Variants in CELF2 observed in about 807,000 individuals in gnomAD.
CELF2 encodes CUGBP Elav-like family member 2.
In CELF2, 8 loss-of-function variants were observed where a neutral mutation model predicts 62.6. The ratio of observed to expected loss-of-function variants is 0.13; its 90% CI spans 0.07 to 0.23. CELF2 has a LOEUF of 0.23. Ranked by LOEUF, CELF2 falls within the 10% of genes least tolerant of loss-of-function variation. The pLI is 1.00. For missense variants in CELF2, 333 were observed against 671.0 expected, an observed-to-expected ratio of 0.50 and a Z score of 5.56; for synonymous variants, 258 against 250.0, an observed-to-expected ratio of 1.03 and a Z score of -0.30.
upstream of CELF2, among the ~76,000 whole-genome samples, chr10:11,013,419 T>G (rs1449072720): frequency 2.0e-5 from 3 of 152,196 alleles, no homozygotes. The surrounding 1 kb of genome is among the most constrained non-coding windows in gnomAD (Gnocchi z 4.1). Flanking sequence ...TCCCTTGGAT[T>G]GGAAGCTGCA....
the CELF2 span, among the ~76,000 whole-genome samples, chr10:10,528,999 T>C: frequency 7.2e-5 from 11 of 152,234 alleles, no homozygotes; most frequent in African/African-American, 1.9e-4. Flanking sequence ...TAATTACAGT[T>C]GTCTGGAGAG....
At chr10:11,179,705 G>A (rs1024128189) in intron 2 of CELF2, among the ~76,000 whole-genome samples, 2 of 152,156 alleles carry the variant, frequency 1.3e-5, no homozygotes, top group Non-Finnish European at 2.9e-5. Flanking sequence ...ATGTGTGTGC[G>A]TGTGCCTGTG....
At chr10:10,687,177 C>G in the CELF2 span, among the ~76,000 whole-genome samples, 1 of 152,180 alleles carries the variant, frequency 6.6e-6, no homozygotes, top group African/African-American at 2.4e-5. Flanking sequence ...ATGCAAAGTG[C>G]TGATACAGTG....
At chr10:10,805,867 C>T (rs1205072088) in intron 1 of CELF2, among the ~76,000 whole-genome samples, 2 of 152,248 alleles carry the variant, frequency 1.3e-5, no homozygotes, top group Admixed American at 6.5e-5. Flanking sequence ...CCAGCTAAAC[C>T]ATCTGTTGAG....
At chr10:10,949,557 C>T (rs572745591) in intron 2 of CELF2, among the ~76,000 whole-genome samples, 12 of 151,594 alleles carry the variant, frequency 7.9e-5, no homozygotes, top group Admixed American at 1.3e-4. Flanking sequence ...TTTGGGAGGC[C>T]GAGGCAGATG....
chr10:11,222,852 T>A (rs928663077), intron 3 of CELF2, among the ~76,000 whole-genome samples: 1 of 152,280 alleles, frequency 6.6e-6, no homozygotes, highest in African/African-American at 2.4e-5. Context: ...GTAGATACGT[T>A]ATCACATGTA....
the CELF2 span, among the ~76,000 whole-genome samples, chr10:10,493,122 A>C: frequency 1.3e-5 from 2 of 152,192 alleles, no homozygotes; most frequent in Non-Finnish European, 2.9e-5. Flanking sequence ...ATTCTGACAC[A>C]TGTTACAACA....
the CELF2 span, among the ~76,000 whole-genome samples, chr10:10,658,625 C>A: frequency 3.9e-5 from 6 of 152,278 alleles, no homozygotes; most frequent in Middle Eastern, 3.4e-3. Flanking sequence ...GCCTGTTTTT[C>A]TGCACTTTTT....
the CELF2 span, among the ~76,000 whole-genome samples, chr10:10,735,009 C>G: frequency 3.3e-5 from 5 of 152,202 alleles, no homozygotes; most frequent in Non-Finnish European, 7.3e-5. Context: ...CAAACCTTTT[C>G]CTGCCAGTTG....
intron 1 of CELF2, among the ~76,000 whole-genome samples, chr10:10,830,259 T>A (rs991876862): frequency 2.1e-5 from 3 of 141,778 alleles, no homozygotes; most frequent in Admixed American, 7.4e-5. Flanking sequence ...TGTGAGCTAT[T>A]GAATGCCATG....
chr10:10,775,491 A>G, the CELF2 span, among the ~76,000 whole-genome samples: 32 of 152,216 alleles, frequency 2.1e-4, no homozygotes, highest in Admixed American at 5.9e-4. Context: ...TTAGCTGGTC[A>G]TATGCATGCA....
chr10:10,778,655 C>T, the CELF2 span, among the ~76,000 whole-genome samples: 408 of 152,198 alleles, frequency 2.7e-3, 1 homozygote, highest in African/African-American at 9.4e-3. Context: ...GGTGATATAC[C>T]TTTTGCTGGC....
At position 10,814,214 on chromosome 10, in the gene CELF2, T is replaced by TAAAAAAAAAAAAAAAAAAAAAAAA. The variant is rs759524110; in HGVS notation, c.53+15400_53+15423dup. On this transcript the variant is annotated intron_variant, in intron 1 of 13. Coordinates refer to the CELF2 transcript ENST00000636488. Reference sequence around the variant, plus strand: ...AAGGAAGAAAGGGAAAGAAGAGTCCTAAAAAAAAAAAAAAAAAAAAAAAAA... The same window carrying TAAAAAAAAAAAAAAAAAAAAAAAA: ...AAGGAAGAAAGGGAAAGAAGAGTCCTAAAAAAAAAAAAAAAAAAAAAAAAAAAAAAAAAAAAAAAAAAAAAAAAA... 4.5e-5 allele frequency among the ~76,000 whole-genome samples: 2 copies of TAAAAAAAAAAAAAAAAAAAAAAAA among 44,434 alleles called. 1 individual carries two copies. Among genetic ancestry groups the TAAAAAAAAAAAAAAAAAAAAAAAA allele is most frequent in the Non-Finnish European group, 8.0e-5 (2 of 24,928 alleles). 29.2% of individuals were successfully genotyped at this position (44,434 alleles called of 152,430 possible).
chr10:10,586,263 A>G, the CELF2 span, among the ~76,000 whole-genome samples: 5 of 152,190 alleles, frequency 3.3e-5, no homozygotes, highest in Admixed American at 1.3e-4. Context: ...TCTGGTTACC[A>G]TCTATTTTTT....
At chr10:10,840,194 A>G (rs886102776) in intron 1 of CELF2, among the ~76,000 whole-genome samples, 10 of 152,224 alleles carry the variant, frequency 6.6e-5, no homozygotes, top group African/African-American at 2.2e-4. Context: ...TTATGTGGGC[A>G]TAAGTTTTCA....
the CELF2 span, among the ~76,000 whole-genome samples, chr10:10,481,065 G>A: frequency 6.6e-6 from 1 of 152,032 alleles, no homozygotes; most frequent in African/African-American, 2.4e-5. Flanking sequence ...CTTCATTTCA[G>A]GGGTAAAAAA....
intron 1 of CELF2, chr10:11,030,706 T>C (rs997977548): frequency 2.0e-5 from 3 of 152,286 alleles, no homozygotes; most frequent in African/African-American, 7.2e-5. Flanking sequence ...GTGGGCATAT[T>C]GGCAGCTGAA....
rs1348636958 is a variant in CELF2, at chr10:11,267,079, G to T, written c.618+402G>T. Among the ~76,000 whole-genome samples, 2 of 152,198 alleles carry T rather than the reference G, an allele frequency of 1.3e-5. No individual in the cohort carries two copies. Among genetic ancestry groups the T allele is most frequent in the Non-Finnish European group, 2.9e-5 (2 of 68,032 alleles). ...CCCACCCCAAATTACTGCTTGCCCT[G>T]TGCTAAGTCCCAGGGTTCTTTCGTT... is the stretch of plus-strand genomic sequence containing the variant. On this transcript the variant is annotated intron_variant, in intron 6 of 12. Transcript: ENST00000633077. The surrounding 1 kb of genome is among the most constrained non-coding windows in gnomAD (Gnocchi z 4.4).
At chr10:11,234,103 A>C (rs1482346361) in intron 3 of CELF2, among the ~76,000 whole-genome samples, 2 of 152,170 alleles carry the variant, frequency 1.3e-5, no homozygotes, top group East Asian at 3.9e-4. Flanking sequence ...GTATGATACG[A>C]GACACACATT....
Sources: gnomAD v4.1 joint callset for allele counts (sites outside exome capture counted in the v4.1 genomes callset) on GRCh38, gnomAD v4.1.1 for gene constraint, Gnocchi (gnomAD v3.1) non-coding constraint, MANE v1.5 for transcripts, NCBI Gene and HGNC (gene_info 2026-07-23, HGNC 2026-07-21) for gene names.